Variants in OSBPL11 observed in about 807,000 individuals in gnomAD.
OSBPL11 encodes oxysterol-binding protein-related protein 11.
Under a neutral mutation model 84.4 loss-of-function variants are expected in OSBPL11, and 33 were observed. That is an observed-to-expected ratio of 0.39 (90% CI 0.30 to 0.52). The LOEUF (loss-of-function observed/expected upper bound fraction) is 0.52. Ranked by LOEUF, OSBPL11 falls within the 20% of genes least tolerant of loss-of-function variation. The pLI, the probability that OSBPL11 is intolerant of heterozygous loss-of-function variation, is 0.72. For missense variants in OSBPL11, 736 were observed against 901.1 expected (o/e 0.82, Z 2.35); for synonymous variants, 276 against 310.2 (o/e 0.89, Z 1.16).
intron 5 of OSBPL11, among the ~76,000 whole-genome samples, chr3:125,572,206 C>A (rs1017920260): frequency 5.3e-5 from 8 of 152,210 alleles, no homozygotes; most frequent in Non-Finnish European, 1.0e-4. Flanking sequence ...GCCTTTTTCT[C>A]CCATTTGGAA....
In OSBPL11 at chr3:125,560,261, C is replaced by T. The variant is rs941585986; in HGVS notation, c.1155+118G>A. ...GGGCAACAAGAGCAAAACTCCATCT[C>T]AAAAAAAATTAAAATTAAAATTTAA... On this transcript the variant is annotated intron_variant, in intron 8 of 12. Coordinates refer to ENST00000296220, the MANE Select transcript of OSBPL11 (RefSeq NM_022776.5). 2.9e-5 allele frequency: 29 copies of T among 991,576 alleles called. No individual in the cohort carries two copies. In the African/African-American group the frequency reaches 4.4e-4, roughly 15 times the overall value. 61.4% of individuals were successfully genotyped at this position (991,576 alleles called of 1,614,324 possible).
At chr3:125,553,206 T>C (rs1033706497) in intron 8 of OSBPL11, among the ~76,000 whole-genome samples, 2 of 152,122 alleles carry the variant, frequency 1.3e-5, no homozygotes, top group East Asian at 3.8e-4. Context: ...TTCAAAAAAA[T>C]CCTCAAACTT....
At position 125,594,690 on chromosome 3, in the gene OSBPL11, T is replaced by TCC. The variant is rs781053116; in HGVS notation, c.109_110dup (p.Ile38GlufsTer29). 6.2e-7 allele frequency: 1 copy of TCC among 1,614,144 alleles called. No individual in the cohort carries two copies. The highest frequency in any genetic ancestry group is 8.5e-7 in the Non-Finnish European group (1 of 1,180,024). ...CGCGGCTGCTGCTGCTGCTACTGAT[T>TCC]CCACCTCCACAGCTGCTGTTCTTGT... is the stretch of plus-strand genomic sequence containing the variant. On this transcript the variant is annotated frameshift_variant, in exon 1 of 13. Transcript: ENST00000296220. LOFTEE classifies it high-confidence loss of function.
chr3:125,531,787 T>G, intron 12 of OSBPL11, 74 bp downstream of exon 12: 2 of 1,395,386 alleles, frequency 1.4e-6, no homozygotes, highest in East Asian at 2.3e-5. Context: ...GTGATAGCAA[T>G]TCAACAAAGC....
At chr3:125,572,925 A>C (rs1053883988) in intron 5 of OSBPL11, among the ~76,000 whole-genome samples, 1 of 122,652 alleles carries the variant, frequency 8.2e-6, no homozygotes, top group Non-Finnish European at 1.9e-5. Flanking sequence ...GTATATATAT[A>C]CACACACACA....
chr3:125,579,825 G>T, intron 3 of OSBPL11, 40 bp downstream of exon 3: 2 of 1,588,054 alleles, frequency 1.3e-6, no homozygotes, highest in Non-Finnish European at 1.7e-6. Flanking sequence ...CTCAAAAAAA[G>T]AGGAAAATCA....
rs1239418649 is a variant in OSBPL11, at chr3:125,560,491, T to C, written c.1043A>G (p.Glu348Gly). The change falls in exon 8 of 13, where the codon GAG becomes GGG. Residue 348 changes from glutamate (E) to glycine (G), a missense_variant. Glu to Gly is a moderately conservative substitution (Grantham distance 98). This residue lies in a region of OSBPL11 where 579 missense variants were observed against 717.6 expected (regional missense o/e 0.81). Transcript: ENST00000296220. ...REPEEINADD[E>G]IEDTCDHKED... ...TTTGTGGTCACATGTATCCTCTATC[T>C]CATCATCTGCATTTATTTCTTCAGG... 1 of 1,589,796 alleles carries C rather than the reference T, an allele frequency of 6.3e-7. No homozygotes were observed. The highest frequency in any genetic ancestry group is 8.6e-7 in the Non-Finnish European group (1 of 1,166,282).
chr3:125,543,497 T>A (rs185157971), intron 10 of OSBPL11, among the ~76,000 whole-genome samples: 1 of 152,196 alleles, frequency 6.6e-6, no homozygotes, highest in Non-Finnish European at 1.5e-5. Flanking sequence ...AATTTTTAAA[T>A]GTGACCATCA....
chr3:125,568,430 CAAA>C (rs1052383358), intron 5 of OSBPL11, among the ~76,000 whole-genome samples: 5 of 75,632 alleles, frequency 6.6e-5, no homozygotes, highest in Non-Finnish European at 8.2e-5. Flanking sequence ...GACTACGTCT[CAAA>C]AAAAAAAAAA....
chr3:125,557,642 T>G (rs1936011072), intron 8 of OSBPL11, among the ~76,000 whole-genome samples: 1 of 152,146 alleles, frequency 6.6e-6, no homozygotes, highest in South Asian at 2.1e-4. Flanking sequence ...CTTCCCAAAG[T>G]GTTGGAATTA....
At position 125,530,324 on chromosome 3, in the gene OSBPL11, A is replaced by G. The variant is rs2107583985; in HGVS notation, c.*191T>C. On this transcript the variant is annotated 3_prime_UTR_variant, in exon 13 of 13. Coordinates refer to ENST00000296220, the MANE Select transcript of OSBPL11 (RefSeq NM_022776.5). ...TCACATCACATGAACAGGTTGGTAA[A>G]AGGTCCACTGTGTTTCTTTACCACT... 1 of 603,806 alleles carries G rather than the reference A, an allele frequency of 1.7e-6. No individual in the cohort carries two copies. Among genetic ancestry groups the G allele is most frequent in the Non-Finnish European group, 3.0e-6 (1 of 334,232 alleles). 37.4% of individuals were successfully genotyped at this position (603,806 alleles called of 1,614,324 possible). A position where few individuals can be genotyped will look rare whatever the true frequency, so the allele number is the denominator to read the frequency against.
At chr3:125,579,832 A>G in intron 3 of OSBPL11, 33 bp downstream of exon 3, 2 of 1,599,604 alleles carry the variant, frequency 1.3e-6, no homozygotes, top group African/African-American at 2.7e-5. Flanking sequence ...AAAGAGGAAA[A>G]TCACAGTATT....
chr3:125,560,449 G>A lies in OSBPL11; in HGVS notation c.1085C>T (p.Ala362Val). 1 of 1,608,644 alleles carries A rather than the reference G, an allele frequency of 6.2e-7. No individual in the cohort carries two copies. Among genetic ancestry groups the A allele is most frequent in the East Asian group, 2.2e-5 (1 of 44,676 alleles). Residue 362 changes from alanine to valine, a missense_variant, in exon 8 of 13, where the codon GCT (alanine) becomes GTT (valine). By Grantham distance (64) the Ala-to-Val change is moderately conservative. Coordinates refer to ENST00000296220, the MANE Select transcript of OSBPL11 (RefSeq NM_022776.5). ...TCDHKEDDLG[A>V]VEEQRSVILH... Reference sequence around the variant, plus strand: ...GATGACACTACGTTGTTCTTCTACAGCTCCCAGGTCATCCTCTTTGTGGTC... The same window carrying A: ...GATGACACTACGTTGTTCTTCTACAACTCCCAGGTCATCCTCTTTGTGGTC...
chr3:125,535,978 C>G (rs933288917), intron 11 of OSBPL11, among the ~76,000 whole-genome samples: 1 of 151,296 alleles, frequency 6.6e-6, no homozygotes, highest in Non-Finnish European at 1.5e-5. Context: ...ATTAAAAATA[C>G]AAAAAAATCA....
At chr3:125,577,737 G>A (rs538998108) in intron 4 of OSBPL11, among the ~76,000 whole-genome samples, 10 of 152,102 alleles carry the variant, frequency 6.6e-5, no homozygotes, top group Admixed American at 6.5e-4. Flanking sequence ...GCTGTGGCAG[G>A]AGAATTGCTT....
At position 125,529,012 on chromosome 3, in the gene OSBPL11, A is replaced by C. The variant is rs938849688; in HGVS notation, c.*1503T>G. The C allele has an allele frequency of 6.6e-6, 1 of 152,628 alleles. No homozygotes were observed. The highest frequency in any genetic ancestry group is 2.4e-5 in the African/African-American group (1 of 41,462). 9.5% of individuals were successfully genotyped at this position (152,628 alleles called of 1,614,324 possible). Reference sequence around the variant, plus strand: ...ACCAACTCTTTTTCTTATAATTTACAATTTGTTGAAAAAATTATTGTTTTG... The same window carrying C: ...ACCAACTCTTTTTCTTATAATTTACCATTTGTTGAAAAAATTATTGTTTTG... On this transcript the variant is annotated 3_prime_UTR_variant, in exon 13 of 13. Coordinates refer to ENST00000296220, the MANE Select transcript of OSBPL11 (RefSeq NM_022776.5).
chr3:125,534,752 C>T (rs867574168), intron 11 of OSBPL11, among the ~76,000 whole-genome samples: 3 of 151,428 alleles, frequency 2.0e-5, no homozygotes, highest in Non-Finnish European at 2.9e-5. Flanking sequence ...GGCCCACAGC[C>T]CATTTTTGTA....
intron 9 of OSBPL11, among the ~76,000 whole-genome samples, chr3:125,550,181 T>C (rs1186597171): frequency 2.6e-5 from 4 of 151,856 alleles, no homozygotes; most frequent in Admixed American, 2.6e-4. Flanking sequence ...TGAGACCAGC[T>C]TGGGCAACAT....
chr3:125,552,104 T>G, intron 9 of OSBPL11, 77 bp downstream of exon 9: 1 of 883,582 alleles, frequency 1.1e-6, no homozygotes, highest in Non-Finnish European at 1.5e-6. Flanking sequence ...CTTTCATTCC[T>G]GCTTGGAAAA....
Sources: gnomAD v4.1 joint callset for allele counts (sites outside exome capture counted in the v4.1 genomes callset) on GRCh38, gnomAD v4.1.1 for gene constraint, gnomAD v4.1.1 regional missense constraint, MANE v1.5 for transcripts, NCBI Gene and HGNC (gene_info 2026-07-23, HGNC 2026-07-21) for gene names.